The following SLC24A2 variants were observed in gnomAD, a reference collection of about 807,000 sequenced individuals.
The protein encoded by SLC24A2 is sodium/potassium/calcium exchanger 2.
A neutral mutation model predicts 62.0 loss-of-function variants in SLC24A2; 36 were observed. That is an observed-to-expected ratio of 0.58 (90% CI 0.44 to 0.77). SLC24A2 has a LOEUF of 0.77. Ranked by LOEUF, SLC24A2 falls within the 30% of genes least tolerant of loss-of-function variation. The pLI, the probability that SLC24A2 is intolerant of heterozygous loss-of-function variation, is 0.00. For synonymous variants in SLC24A2, 358 were observed against 294.0 expected, an observed-to-expected ratio of 1.22 and a Z score of -2.23; for missense variants, 846 against 817.9, an observed-to-expected ratio of 1.03 and a Z score of -0.42.
At chr9:20,034,905 C>A in the SLC24A2 span, among the ~76,000 whole-genome samples, 2 of 152,106 alleles carry the variant, frequency 1.3e-5, no homozygotes, top group Non-Finnish European at 2.9e-5. Flanking sequence ...CATTGGTGAA[C>A]GTGCATGTTT....
At chr9:20,071,157 T>G in the SLC24A2 span, among the ~76,000 whole-genome samples, 16 of 152,216 alleles carry the variant, frequency 1.1e-4, no homozygotes, top group Admixed American at 2.0e-4. Context: ...GAAGCTGCTA[T>G]GCTTCCTGCA....
chr9:20,023,345 T>C, the SLC24A2 span, among the ~76,000 whole-genome samples: 5 of 152,164 alleles, frequency 3.3e-5, no homozygotes, highest in Non-Finnish European at 7.3e-5. Context: ...TGTATTTCCA[T>C]GGAAACACAA....
intron 2 of SLC24A2, among the ~76,000 whole-genome samples, chr9:19,736,004 A>T (rs1821499712): frequency 6.6e-6 from 1 of 151,584 alleles, no homozygotes; most frequent in Non-Finnish European, 1.5e-5. Flanking sequence ...CTTAAAGTAT[A>T]AAAAAAAAGA....
chr9:20,132,318 T>G, the SLC24A2 span, among the ~76,000 whole-genome samples: 3 of 152,064 alleles, frequency 2.0e-5, no homozygotes, highest in South Asian at 6.2e-4. Flanking sequence ...TGATGTGCTA[T>G]GTGAAAGAGT....
the SLC24A2 span, among the ~76,000 whole-genome samples, chr9:20,184,725 T>C: frequency 1.3e-5 from 2 of 152,044 alleles, no homozygotes; most frequent in African/African-American, 2.4e-5. Flanking sequence ...AGAACTACCA[T>C]ATGTGATCCA....
intron 8 of SLC24A2, among the ~76,000 whole-genome samples, chr9:19,544,255 C>CTTTTTTTT (rs375479154): frequency 4.9e-4 from 61 of 123,996 alleles, no homozygotes; most frequent in African/African-American, 9.1e-4. Flanking sequence ...GCAACCCCTG[C>CTTTTTTTT]TTTTTTTTTT....
the SLC24A2 span, among the ~76,000 whole-genome samples, chr9:20,004,009 T>C: frequency 3.9e-5 from 6 of 152,184 alleles, no homozygotes; most frequent in Non-Finnish European, 5.9e-5. Flanking sequence ...ATGTAATTAG[T>C]TGGGCTAGAG....
the SLC24A2 span, chr9:19,896,106 C>G: frequency 7.1e-5 from 43 of 606,894 alleles, no homozygotes; most frequent in East Asian, 1.2e-3. Context: ...ACTCTACTTC[C>G]GCCCTCCTGG....
At chr9:19,663,363 A>G (rs1819157501) in intron 2 of SLC24A2, among the ~76,000 whole-genome samples, 1 of 152,122 alleles carries the variant, frequency 6.6e-6, no homozygotes, top group African/African-American at 2.4e-5. Context: ...CTTCAAATAA[A>G]CCCTAGCTCA....
rs1201589511 is a variant in SLC24A2, at chr9:19,510,124, A to T, written c.*6029T>A. On this transcript the variant is annotated 3_prime_UTR_variant, in exon 11 of 11. Coordinates refer to ENST00000341998, the MANE Select transcript of SLC24A2 (RefSeq NM_020344.4). ...TTGAGTTCTTTGTGAGTCTGAGATT[A>T]TGACCTAATGACCTTAAAAGCAGTT... 2.0e-5 allele frequency: 3 copies of T among 152,142 alleles called. No homozygotes were observed. The highest frequency in any genetic ancestry group is 4.4e-5 in the Non-Finnish European group (3 of 68,022). The allele number at this position is 152,142 out of a possible 1,614,324, so 9.4% of individuals were successfully genotyped here. A position where few individuals can be genotyped will look rare whatever the true frequency, so the allele number is the denominator to read the frequency against.
At chr9:19,997,541 C>T in the SLC24A2 span, among the ~76,000 whole-genome samples, 1 of 152,134 alleles carries the variant, frequency 6.6e-6, no homozygotes, top group African/African-American at 2.4e-5. Context: ...AGCACACTCT[C>T]AGCAAGTGTC....
At chr9:20,274,340 G>C in the SLC24A2 span, among the ~76,000 whole-genome samples, 1 of 152,146 alleles carries the variant, frequency 6.6e-6, no homozygotes, top group South Asian at 2.1e-4. Context: ...GAGGAGCCAA[G>C]ATTATGAAAG....
chr9:19,781,110 A>G (rs1427794688), intron 2 of SLC24A2, among the ~76,000 whole-genome samples: 1 of 152,210 alleles, frequency 6.6e-6, no homozygotes, highest in Non-Finnish European at 1.5e-5. Flanking sequence ...AACTGAATTA[A>G]ATAAACTGCA....
chr9:19,928,316 C>T, the SLC24A2 span: 1 of 152,206 alleles, frequency 6.6e-6, no homozygotes, highest in African/African-American at 2.4e-5. Flanking sequence ...TCTGAAAAGA[C>T]TGCAGGGTTT....
chr9:19,593,733 C>T (rs1303404621), intron 5 of SLC24A2, among the ~76,000 whole-genome samples: 2 of 152,076 alleles, frequency 1.3e-5, no homozygotes, highest in African/African-American at 4.8e-5. Flanking sequence ...GTACAACAAG[C>T]TGCAGTGGAA....
chr9:19,940,918 G>T, the SLC24A2 span, among the ~76,000 whole-genome samples: 1 of 152,178 alleles, frequency 6.6e-6, no homozygotes, highest in Non-Finnish European at 1.5e-5. Flanking sequence ...CATTCCAAGA[G>T]TCATTTCCTT....
chr9:20,024,124 G>A, the SLC24A2 span, among the ~76,000 whole-genome samples: 25 of 152,306 alleles, frequency 1.6e-4, no homozygotes, highest in South Asian at 8.3e-4. Flanking sequence ...CTTCAAAGAG[G>A]TGTGAGTTTT....
At chr9:20,018,766 GA>G in the SLC24A2 span, among the ~76,000 whole-genome samples, 4 of 151,234 alleles carry the variant, frequency 2.6e-5, no homozygotes, top group Admixed American at 6.6e-5. Context: ...TTTTATACAT[GA>G]AAAAAAACCC....
the SLC24A2 span, among the ~76,000 whole-genome samples, chr9:20,307,631 G>A: frequency 1.3e-5 from 2 of 152,196 alleles, no homozygotes; most frequent in South Asian, 4.1e-4. Context: ...CCAGGAATGA[G>A]GGGTCGGCAG....
Sources: gnomAD v4.1 joint callset for allele counts (sites outside exome capture counted in the v4.1 genomes callset) on GRCh38, gnomAD v4.1.1 for gene constraint, MANE v1.5 for transcripts, NCBI Gene and HGNC (gene_info 2026-07-23, HGNC 2026-07-21) for gene names.